The following RNF2 variants were observed in gnomAD, a reference collection of about 807,000 sequenced individuals.
The protein encoded by RNF2 is ring finger protein 2, also known as E3 ubiquitin-protein ligase RING2.
RNF2 carries 6 observed loss-of-function variants against 37.2 expected under a neutral mutation model. The ratio of observed to expected loss-of-function variants is 0.16; its 90% CI spans 0.09 to 0.32. RNF2 has a LOEUF of 0.32. Among genes scored for constraint, RNF2 ranks in the 10% least tolerant of loss-of-function variants. The probability of loss-of-function intolerance (pLI) is 1.00; values close to 1 mark genes in which losing one functional copy is unlikely to be tolerated. For missense variants in RNF2, 251 were observed against 404.0 expected, an observed-to-expected ratio of 0.62 and a Z score of 3.25; for synonymous variants, 133 against 132.7, an observed-to-expected ratio of 1.00 and a Z score of -0.02.
intron 3 of RNF2, 26 bp from the exon 4 acceptor site, chr1:185,093,035 A>G: frequency 1.2e-6 from 2 of 1,607,226 alleles, no homozygotes; most frequent in Non-Finnish European, 1.7e-6. Context: ...CATTGTTTAC[A>G]TTTGCTTTCC....
At chr1:185,067,531 C>G (rs1313371741) in intron 1 of RNF2, among the ~76,000 whole-genome samples, 1 of 151,808 alleles carries the variant, frequency 6.6e-6, no homozygotes, top group African/African-American at 2.4e-5. Context: ...TTGATGTGAC[C>G]TTTATTTTAC....
At chr1:185,087,760 A>G in intron 2 of RNF2, 120 bp downstream of exon 2, 1 of 726,138 alleles carries the variant, frequency 1.4e-6, no homozygotes, top group Non-Finnish European at 2.4e-6. Context: ...AGCATTCCTG[A>G]CTTCTGTATG....
rs1651802430 is a variant in RNF2 at position 185,092,654 on chromosome 1, AAAT to A, written c.249-402_249-400del. Among the ~76,000 whole-genome samples, 6 of 152,256 alleles carry A rather than the reference AAAT, an allele frequency of 3.9e-5. No homozygotes were observed. The South Asian group carries it at 1.2e-3, about 32-fold the overall frequency. On this transcript the variant is annotated intron_variant, in intron 3 of 6. Transcript: ENST00000367510. The stretch of plus-strand genomic sequence containing the variant: ...CACGATTTTTCCACTTAAGTATATA[AAAT>A]AATATCCATATGAAAGTATTATTTC...
chr1:185,082,111 C>T (rs1193764413), intron 1 of RNF2, among the ~76,000 whole-genome samples: 3 of 152,048 alleles, frequency 2.0e-5, no homozygotes, highest in African/African-American at 7.2e-5. Flanking sequence ...TTAAAAATGG[C>T]GATATTTTTG....
At chr1:185,064,533 T>C (rs1171295329) in intron 1 of RNF2, among the ~76,000 whole-genome samples, 1 of 152,234 alleles carries the variant, frequency 6.6e-6, no homozygotes, top group Non-Finnish European at 1.5e-5. Context: ...GGATAACCCA[T>C]CTTAAATTGA....
intron 1 of RNF2, among the ~76,000 whole-genome samples, chr1:185,048,103 G>T (rs560749335): frequency 6.6e-6 from 1 of 152,232 alleles, no homozygotes; most frequent in East Asian, 1.9e-4. Flanking sequence ...GGTATTTCTT[G>T]GGGGAAGCGC....
intron 1 of RNF2, among the ~76,000 whole-genome samples, chr1:185,055,744 T>C (rs1650413779): frequency 6.6e-6 from 1 of 152,092 alleles, no homozygotes; most frequent in African/African-American, 2.4e-5. Flanking sequence ...TATATGAGAG[T>C]TATATCAGAT....
Position 185,100,706 on chromosome 1 carries a change from C to CT in RNF2, c.*414dup, listed in dbSNP as rs1029788782. The stretch of plus-strand genomic sequence containing the variant: ...GAATGTTAAATATTATGTATTCTGA[C>CT]TTTTTTTTTCCCCCGGAGTCTTGTA... On this transcript the variant is annotated 3_prime_UTR_variant, in exon 7 of 7. Coordinates refer to ENST00000367510, the MANE Select transcript of RNF2 (RefSeq NM_007212.4). 6.6e-5 allele frequency: 10 copies of CT among 152,658 alleles called. No homozygotes were observed. The highest frequency in any genetic ancestry group is 2.1e-4 in the South Asian group (1 of 4,794). The allele number at this position is 152,658 out of a possible 1,614,324, so 9.5% of individuals were successfully genotyped here.
chr1:185,091,555 A>G, intron 2 of RNF2, 24 bp from the exon 3 acceptor site: 1 of 1,605,542 alleles, frequency 6.2e-7, no homozygotes, highest in Non-Finnish European at 8.5e-7. Flanking sequence ...AGTAGCTTTT[A>G]ATTTTAAAGT....
chr1:185,086,990 G>A (rs1395743539), intron 1 of RNF2, among the ~76,000 whole-genome samples: 1 of 152,118 alleles, frequency 6.6e-6, no homozygotes, highest in African/African-American at 2.4e-5. Flanking sequence ...GCCAGCTCTT[G>A]GGCATTTGGA....
chr1:185,098,177 A>G lies in RNF2; in HGVS notation c.570A>G (p.Ala190=). 1.2e-6 allele frequency: 2 copies of G among 1,614,254 alleles called. No homozygotes were observed. Among genetic ancestry groups the G allele is most frequent in the Non-Finnish European group, 1.7e-6 (2 of 1,180,040 alleles). Residue 190 remains alanine, a synonymous_variant, in exon 5 of 7, where the codon GCA becomes GCG. Coordinates refer to ENST00000367510, the MANE Select transcript of RNF2 (RefSeq NM_007212.4). ...CATCCACACATAGCAATCAGGAAGC[A>G]GGCCCTAGTAACAAACGGACCAAAA... ...SNASTHSNQE[A]GPSNKRTKTS...
chr1:185,081,057 A>G (rs1178062107), intron 1 of RNF2, among the ~76,000 whole-genome samples: 1 of 152,170 alleles, frequency 6.6e-6, no homozygotes, highest in Non-Finnish European at 1.5e-5. Flanking sequence ...GTTAGAAATA[A>G]TGGCACATGT....
At chr1:185,045,944 C>G (rs1213159296) in intron 1 of RNF2, among the ~76,000 whole-genome samples, 1 of 152,118 alleles carries the variant, frequency 6.6e-6, no homozygotes, top group Admixed American at 6.5e-5. Context: ...CGCCGCGAGC[C>G]TTTCGCTGCC....
intron 1 of RNF2, among the ~76,000 whole-genome samples, chr1:185,059,540 T>C (rs958271002): frequency 6.6e-6 from 1 of 152,164 alleles, no homozygotes; most frequent in African/African-American, 2.4e-5. Context: ...TCATTACATA[T>C]GGTATTAATT....
intron 1 of RNF2, among the ~76,000 whole-genome samples, chr1:185,053,977 T>C (rs1158110759): frequency 1.3e-5 from 2 of 152,164 alleles, no homozygotes; most frequent in Non-Finnish European, 2.9e-5. Context: ...ACTTAACCAG[T>C]TTCCTGTTAA....
chr1:185,066,641 A>G (rs946872781), intron 1 of RNF2, among the ~76,000 whole-genome samples: 9 of 152,214 alleles, frequency 5.9e-5, no homozygotes, highest in Admixed American at 5.9e-4. Context: ...TGTTTCCTAA[A>G]TGGTTGAACT....
intron 1 of RNF2, 99 bp from the exon 2 acceptor site, chr1:185,087,453 T>C: frequency 1.1e-6 from 1 of 943,960 alleles, no homozygotes; most frequent in Non-Finnish European, 1.7e-6. Context: ...TCATTGAGAT[T>C]AGATTTCAAC....
chr1:185,100,272 T>C lies in RNF2; in HGVS notation c.982T>C (p.Tyr328His), dbSNP rs1652041016. 1.9e-6 allele frequency: 3 copies of C among 1,611,968 alleles called. No individual in the cohort carries two copies. Among genetic ancestry groups the C allele is most frequent in the African/African-American group, 1.3e-5 (1 of 74,964 alleles). ...YWKVNKPMEL[Y>H]YAPTKEHK ...GAAAGTGAACAAACCCATGGAACTT[T>C]ATTACGCACCTACAAAGGAGCACAA... is the stretch of plus-strand genomic sequence containing the variant. The change falls in exon 7 of 7, where the codon TAT becomes CAT. Residue 328 changes from tyrosine to histidine, a missense_variant. This residue lies in a region of RNF2 where 59 missense variants were observed against 69.1 expected (regional missense o/e 0.85). Coordinates refer to ENST00000367510, the MANE Select transcript of RNF2 (RefSeq NM_007212.4).
At chr1:185,048,761 TGTA>T (rs1019912245) in intron 1 of RNF2, among the ~76,000 whole-genome samples, 4 of 151,732 alleles carry the variant, frequency 2.6e-5, no homozygotes, top group African/African-American at 4.8e-5. Context: ...GAAAATCACA[TGTA>T]GTAAAAAAAA....
Sources: allele counts gnomAD v4.1 joint callset (sites outside exome capture counted in the v4.1 genomes callset), GRCh38; gene constraint gnomAD v4.1.1; regional missense constraint gnomAD v4.1.1; transcripts MANE v1.5; gene names NCBI Gene and HGNC (gene_info 2026-07-23, HGNC 2026-07-21).